RPH3A: variants seen among roughly 807,000 people sequenced by gnomAD.
RPH3A encodes rabphilin-3A.
RPH3A carries 48 observed loss-of-function variants against 102.2 expected under a neutral mutation model. The observed-to-expected ratio is 0.47, with a 90% CI of 0.37 to 0.60. The LOEUF (loss-of-function observed/expected upper bound fraction) is 0.60, where lower values mean the gene tolerates loss of function less well. Ranked by LOEUF, RPH3A falls within the 20% of genes least tolerant of loss-of-function variation. RPH3A has a pLI of 0.00. For missense variants in RPH3A, 781 were observed against 910.1 expected (o/e 0.86, Z 1.83); for synonymous variants, 310 against 324.3 (o/e 0.96, Z 0.47).
chr12:112,682,612 CCT>C (rs1191960747), intron 1 of RPH3A, among the ~76,000 whole-genome samples: 1 of 152,152 alleles, frequency 6.6e-6, no homozygotes, highest in African/African-American at 2.4e-5. Flanking sequence ...CCAGGCTCCC[CCT>C]CTCTTATGGC....
intron 1 of RPH3A, among the ~76,000 whole-genome samples, chr12:112,712,879 T>TC (rs933201836): frequency 2.9e-5 from 4 of 136,848 alleles, no homozygotes; most frequent in Non-Finnish European, 4.5e-5. Context: ...CTCACTTTTT[T>TC]TTCTTCTTCT....
At chr12:112,640,166 A>C (rs1446195482) in intron 1 of RPH3A, among the ~76,000 whole-genome samples, 2 of 151,570 alleles carry the variant, frequency 1.3e-5, no homozygotes, top group African/African-American at 2.4e-5. Flanking sequence ...ACTAAAAAAA[A>C]ATACAAAAAT....
intron 1 of RPH3A, among the ~76,000 whole-genome samples, chr12:112,696,889 C>T (rs1182989975): frequency 6.6e-6 from 1 of 151,854 alleles, no homozygotes; most frequent in Non-Finnish European, 1.5e-5. Context: ...ATGTCATATG[C>T]TTTGGTCTTG....
At chr12:112,671,977 A>G (rs999872490) in intron 1 of RPH3A, among the ~76,000 whole-genome samples, 10 of 151,518 alleles carry the variant, frequency 6.6e-5, no homozygotes, top group Admixed American at 2.0e-4. Context: ...GACAACAACT[A>G]TTTATTTAGC....
intron 1 of RPH3A, among the ~76,000 whole-genome samples, chr12:112,584,994 G>C (rs1207268309): frequency 6.6e-6 from 1 of 152,194 alleles, no homozygotes; most frequent in Non-Finnish European, 1.5e-5. Flanking sequence ...AAAGCCCACA[G>C]TGCAGCCTTC....
intron 1 of RPH3A, among the ~76,000 whole-genome samples, chr12:112,712,596 CCTCATGCCCCG>C (rs1480899437): frequency 6.6e-6 from 1 of 152,060 alleles, no homozygotes; most frequent in East Asian, 1.9e-4. Flanking sequence ...ATCACATGTC[CCTCATGCCCCG>C]ACCAGAGGTA....
chr12:112,784,687 G>A (rs185058050), intron 1 of RPH3A, among the ~76,000 whole-genome samples: 6 of 152,186 alleles, frequency 3.9e-5, no homozygotes, highest in African/African-American at 1.2e-4. Context: ...CAGTCTGATG[G>A]GGGAGCCAGT....
chr12:112,826,164 G>A (rs2041868825), intron 2 of RPH3A, among the ~76,000 whole-genome samples: 1 of 152,124 alleles, frequency 6.6e-6, no homozygotes, highest in Admixed American at 6.5e-5. Context: ...GGTGCATTTA[G>A]GAATAAACCT....
At chr12:112,664,315 A>G (rs2040069965) in intron 1 of RPH3A, among the ~76,000 whole-genome samples, 1 of 152,122 alleles carries the variant, frequency 6.6e-6, no homozygotes, top group South Asian at 2.1e-4. Context: ...CATGAAGGCA[A>G]TGGGGATATA....
At position 112,728,197 on chromosome 12, in the gene RPH3A, G is replaced by A. The variant is rs569248879; in HGVS notation, c.-139-63946G>A. ...TATGCTGGGAACAAAAGGTGGGAAA[G>A]TGGCAAATCATGGAAGCATGGCAAT... On this transcript the variant is annotated intron_variant, in intron 1 of 21. Coordinates refer to the RPH3A transcript ENST00000543106. 3.3e-4 allele frequency among the ~76,000 whole-genome samples: 50 copies of A among 152,300 alleles called. No homozygotes were observed. In the South Asian group the frequency reaches 1.0e-2, roughly 30 times the overall value.
chr12:112,591,869 T>A (rs2039481474), intron 1 of RPH3A, among the ~76,000 whole-genome samples: 1 of 152,150 alleles, frequency 6.6e-6, no homozygotes, highest in African/African-American at 2.4e-5. Flanking sequence ...AGCCAGGTCA[T>A]CCAGTTAAAA....
intron 1 of RPH3A, among the ~76,000 whole-genome samples, chr12:112,765,294 T>C (rs1400692767): frequency 6.6e-6 from 1 of 150,384 alleles, no homozygotes; most frequent in Admixed American, 6.6e-5. Context: ...GTAAGATTGC[T>C]ATTTTATGCC....
chr12:112,711,771 G>A (rs146866421), intron 1 of RPH3A, among the ~76,000 whole-genome samples: 302 of 152,274 alleles, frequency 2.0e-3, no homozygotes, highest in African/African-American at 7.1e-3. Flanking sequence ...TTGCTGGGGA[G>A]AATGCTGCAT....
At chr12:112,714,024 C>T (rs1239641252) in intron 1 of RPH3A, among the ~76,000 whole-genome samples, 1 of 152,150 alleles carries the variant, frequency 6.6e-6, no homozygotes, top group African/African-American at 2.4e-5. Flanking sequence ...AGGGTACCCC[C>T]TCATGGGATA....
intron 2 of RPH3A, among the ~76,000 whole-genome samples, chr12:112,800,685 C>T (rs920755982): frequency 4.6e-5 from 7 of 152,028 alleles, no homozygotes; most frequent in South Asian, 4.2e-4. Flanking sequence ...GTGAATTCTG[C>T]GGGAGTGCAG....
chr12:112,747,903 C>T (rs779443493), intron 1 of RPH3A, among the ~76,000 whole-genome samples: 3 of 152,198 alleles, frequency 2.0e-5, no homozygotes, highest in Non-Finnish European at 2.9e-5. Context: ...CCATCCTCAA[C>T]GCCTGGCAGC....
chr12:112,791,901 A>AGAGAGAGAGAGAGAGAGAGACT lies in RPH3A; in HGVS notation c.-247_-246insGAGAGAGAGAGAGAGACTGAGA, dbSNP rs1565882471. The AGAGAGAGAGAGAGAGAGAGACT allele has an allele frequency of 1.3e-5, 2 of 150,926 alleles. No individual in the cohort carries two copies. Among genetic ancestry groups the AGAGAGAGAGAGAGAGAGAGACT allele is most frequent in the African/African-American group, 4.9e-5 (2 of 40,652 alleles). The allele number at this position is 150,926 out of a possible 1,614,324, so 9.3% of individuals were successfully genotyped here. On this transcript the variant is annotated 5_prime_UTR_variant, in exon 1 of 22. Coordinates refer to ENST00000389385, the MANE Select transcript of RPH3A (RefSeq NM_001143854.2). ...GAGAGAGAGAGAGAGAGAGAGAGAG[A>AGAGAGAGAGAGAGAGAGAGACT]GAGACTCACAGAGCTAAAACCTTCA...
intron 1 of RPH3A, among the ~76,000 whole-genome samples, chr12:112,746,749 C>T (rs557474531): frequency 6.6e-6 from 1 of 152,296 alleles, no homozygotes. Context: ...CTCTGTCTGT[C>T]TTGGGTCTGT....
chr12:112,688,069 T>C (rs1286245450), intron 1 of RPH3A, among the ~76,000 whole-genome samples: 1 of 152,248 alleles, frequency 6.6e-6, no homozygotes, highest in Non-Finnish European at 1.5e-5. Flanking sequence ...TTTAGCAGGA[T>C]GTAAATGTAT....
Sources: allele counts gnomAD v4.1 joint callset (sites outside exome capture counted in the v4.1 genomes callset), GRCh38; gene constraint gnomAD v4.1.1; transcripts MANE v1.5; gene names NCBI Gene and HGNC (gene_info 2026-07-23, HGNC 2026-07-21).